The following TTC6 variants were observed in gnomAD, a reference collection of about 807,000 sequenced individuals.
The protein encoded by TTC6 is tetratricopeptide repeat protein 6.
A neutral mutation model predicts 210.4 loss-of-function variants in TTC6; 172 were observed. That is an observed-to-expected ratio of 0.82 (90% CI 0.72 to 0.93). TTC6 has a LOEUF of 0.93. TTC6 is among the 40% of genes least tolerant of loss of function. The pLI, the probability that TTC6 is intolerant of heterozygous loss-of-function variation, is 0.00. For synonymous variants in TTC6, 804 were observed against 819.6 expected, an observed-to-expected ratio of 0.98 and a Z score of 0.32; for missense variants, 2,414 against 2,318.1, an observed-to-expected ratio of 1.04 and a Z score of -0.85.
At chr14:37,791,269 C>G (rs1356195597) in intron 16 of TTC6, among the ~76,000 whole-genome samples, 2 of 152,130 alleles carry the variant, frequency 1.3e-5, no homozygotes, top group African/African-American at 4.8e-5. Context: ...TTTAGAACTT[C>G]TGGCTTCATT....
intron 5 of TTC6, among the ~76,000 whole-genome samples, chr14:37,713,208 A>C (rs1362399345): frequency 6.6e-6 from 1 of 152,246 alleles, no homozygotes; most frequent in Admixed American, 6.5e-5. Context: ...ACACTGCTAC[A>C]GAAGAACTCA....
intron 14 of TTC6, among the ~76,000 whole-genome samples, chr14:37,784,125 G>C (rs2096062020): frequency 6.6e-6 from 1 of 152,188 alleles, no homozygotes; most frequent in Admixed American, 6.5e-5. Context: ...GGGGTGGAGA[G>C]TTCTGTAGAT....
At chr14:37,762,268 A>G (rs1057480737) in intron 14 of TTC6, among the ~76,000 whole-genome samples, 3 of 152,200 alleles carry the variant, frequency 2.0e-5, no homozygotes, top group Admixed American at 6.5e-5. Flanking sequence ...GGCTATTGTA[A>G]ATAATGCTCT....
chr14:37,615,233 G>T (rs1262812385), intron 2 of TTC6, among the ~76,000 whole-genome samples: 1 of 152,018 alleles, frequency 6.6e-6, no homozygotes, highest in Non-Finnish European at 1.5e-5. Flanking sequence ...CCTTACATAT[G>T]ATTTTCTTTA....
At chr14:37,799,671 A>G (rs1176247160) in intron 20 of TTC6, among the ~76,000 whole-genome samples, 1 of 152,188 alleles carries the variant, frequency 6.6e-6, no homozygotes, top group Non-Finnish European at 1.5e-5. Context: ...TGGAGAGGGT[A>G]TCATGGTAGG....
At chr14:37,626,858 A>G (rs922907318) in intron 1 of TTC6, among the ~76,000 whole-genome samples, 2 of 152,304 alleles carry the variant, frequency 1.3e-5, no homozygotes, top group African/African-American at 4.8e-5. Flanking sequence ...TACTGCGGAA[A>G]AACCTATGGC....
intron 1 of TTC6, among the ~76,000 whole-genome samples, chr14:37,596,314 G>T (rs2139193339): frequency 6.6e-6 from 1 of 152,370 alleles, no homozygotes; most frequent in Middle Eastern, 3.4e-3. Context: ...GCAAGGGCCT[G>T]GGCGCGGGAA....
chr14:37,798,871 T>C (rs188833684), intron 20 of TTC6, among the ~76,000 whole-genome samples: 2 of 152,308 alleles, frequency 1.3e-5, no homozygotes, highest in Admixed American at 1.3e-4. Context: ...ATGTCACATA[T>C]GAAATTAAGT....
At chr14:37,724,717 G>C (rs1476892509) in intron 6 of TTC6, among the ~76,000 whole-genome samples, 181 bp from the exon 9 acceptor site, 2 of 152,050 alleles carry the variant, frequency 1.3e-5, no homozygotes, top group Admixed American at 6.6e-5. Flanking sequence ...GCATCAGTTG[G>C]TAATGCAGAC....
intron 7 of TTC6, among the ~76,000 whole-genome samples, chr14:37,733,386 A>T (rs570977430): frequency 6.6e-6 from 1 of 152,100 alleles, no homozygotes; most frequent in East Asian, 1.9e-4. Context: ...TATCCTATAG[A>T]ATTTGTTTTA....
At chr14:37,784,811 G>A (rs189435708) in intron 14 of TTC6, among the ~76,000 whole-genome samples, 24 of 152,280 alleles carry the variant, frequency 1.6e-4, no homozygotes, top group Admixed American at 1.4e-3. Context: ...CTGTAAGGCA[G>A]GCCTGGTGGT....
intron 3 of TTC6, among the ~76,000 whole-genome samples, chr14:37,685,356 G>C (rs554614863): frequency 6.6e-6 from 1 of 152,256 alleles, no homozygotes; most frequent in Non-Finnish European, 1.5e-5. Flanking sequence ...GTGGCATGTT[G>C]CTATGAAATT....
intron 24 of TTC6, among the ~76,000 whole-genome samples, chr14:37,809,825 A>G (rs1402783842): frequency 7.9e-5 from 12 of 152,126 alleles, no homozygotes; most frequent in Non-Finnish European, 1.3e-4. Flanking sequence ...TCCCTTTTCA[A>G]TGAGGATTCC....
chr14:37,676,740 A>G (rs1422778142), intron 1 of TTC6, among the ~76,000 whole-genome samples: 2 of 152,090 alleles, frequency 1.3e-5, no homozygotes, highest in South Asian at 2.1e-4. Context: ...TAAATTTTGT[A>G]CATCATTTGA....
intron 14 of TTC6, among the ~76,000 whole-genome samples, chr14:37,753,908 T>C (rs941536123): frequency 3.9e-5 from 6 of 152,094 alleles, no homozygotes; most frequent in African/African-American, 1.2e-4. Context: ...CCTATTGTAT[T>C]GTATATTAAA....
chr14:37,755,579 T>A (rs1318656185), intron 14 of TTC6, among the ~76,000 whole-genome samples: 5 of 152,202 alleles, frequency 3.3e-5, no homozygotes, highest in Non-Finnish European at 7.3e-5. Flanking sequence ...AGGGGTCCAG[T>A]TTCTGTTTTC....
rs948008101 is a variant in TTC6, at chr14:37,732,765, C to G, written c.1819-3156C>G. 6.3e-5 allele frequency among the ~76,000 whole-genome samples: 9 copies of G among 142,944 alleles called. No homozygotes were observed. In the Admixed American group the frequency reaches 6.6e-4, roughly 10 times the overall value. 93.8% of individuals were successfully genotyped at this position (142,944 alleles called of 152,430 possible). A position where few individuals can be genotyped will look rare whatever the true frequency, so the allele number is the denominator to read the frequency against. On this transcript the variant is annotated intron_variant, in intron 7 of 30. Coordinates refer to ENST00000553443, the Ensembl canonical transcript of TTC6. ...CCCGAGTAGCTGGGACTACAGGCGC[C>G]CGCCACCACGCCCAGCTAATTTTTT...
chr14:37,600,060 C>G (rs1049002140), intron 1 of TTC6, among the ~76,000 whole-genome samples: 1 of 152,202 alleles, frequency 6.6e-6, no homozygotes, highest in Admixed American at 6.5e-5. Context: ...CTTTAAAACC[C>G]CTAGGGCTAG....
exon 12 of TTC6, chr14:37,749,781 A>T: frequency 6.8e-7 from 1 of 1,464,890 alleles, no homozygotes; most frequent in Non-Finnish European, 9.0e-7. Context: ...CTTTTCCAAG[A>T]CAAAATTAAT....
Sources: allele counts gnomAD v4.1 joint callset (sites outside exome capture counted in the v4.1 genomes callset), GRCh38; gene constraint gnomAD v4.1.1; transcripts MANE v1.5; gene names NCBI Gene and HGNC (gene_info 2026-07-23, HGNC 2026-07-21).